RDX: variants seen among roughly 807,000 people sequenced by gnomAD.
The protein encoded by RDX is deafness, autosomal recessive 24.
RDX carries 32 observed loss-of-function variants against 83.7 expected under a neutral mutation model. The ratio of observed to expected loss-of-function variants is 0.38; its 90% CI spans 0.29 to 0.51. The LOEUF (loss-of-function observed/expected upper bound fraction) is 0.51, where lower values mean the gene tolerates loss of function less well. RDX is among the 20% of genes least tolerant of loss of function. The pLI, the probability that RDX is intolerant of heterozygous loss-of-function variation, is 0.87. For missense variants in RDX, 600 were observed against 689.9 expected (o/e 0.87, Z 1.46); for synonymous variants, 229 against 222.7 (o/e 1.03, Z -0.25).
intron 9 of RDX, among the ~76,000 whole-genome samples, chr11:110,252,510 T>C (rs1356965618): frequency 6.6e-6 from 1 of 152,106 alleles, no homozygotes; most frequent in Non-Finnish European, 1.5e-5. Flanking sequence ...ATAAAATAAT[T>C]CCTCATTTAT....
At chr11:110,221,168 T>A (rs148874045) in intron 14 of RDX, among the ~76,000 whole-genome samples, 34 of 152,272 alleles carry the variant, frequency 2.2e-4, no homozygotes, top group African/African-American at 7.9e-4. Flanking sequence ...GGAAAAGGAA[T>A]GGGGAGAGGG....
chr11:110,199,491 G>A (rs1373163670), intron 15 of RDX: 12 of 681,950 alleles, frequency 1.8e-5, no homozygotes, highest in Non-Finnish European at 2.9e-5. Context: ...CAGATTTTAT[G>A]AGGTCCCACC....
chr11:110,254,460 G>GT lies in RDX; in HGVS notation c.796-352dup, dbSNP rs570132914. On this transcript the variant is annotated intron_variant, in intron 8 of 13. Transcript: ENST00000645495. Reference sequence around the variant, plus strand: ...TTGGTTCTTCGTTCATGGCTGTAGAGTTTTTTTTAACCTAGAATTGTTCTT... The same window carrying GT: ...TTGGTTCTTCGTTCATGGCTGTAGAGTTTTTTTTTAACCTAGAATTGTTCTT... 3.4e-4 allele frequency among the ~76,000 whole-genome samples: 51 copies of GT among 151,254 alleles called. 1 individual carries two copies. The South Asian group carries it at 7.1e-3, about 21-fold the overall frequency.
intron 15 of RDX, among the ~76,000 whole-genome samples, chr11:110,178,064 C>T (rs1446690940): frequency 6.6e-6 from 1 of 152,154 alleles, no homozygotes; most frequent in Non-Finnish European, 1.5e-5. Flanking sequence ...GGCCTCTAGA[C>T]CCCTGGCCCG....
Position 110,263,986 on chromosome 11 carries a change from C to A in RDX, c.441G>T (p.Leu147=). The A allele has an allele frequency of 6.2e-7, 1 of 1,613,778 alleles. No homozygotes were observed. Among genetic ancestry groups the A allele is most frequent in the South Asian group, 1.1e-5 (1 of 91,050 alleles). The change falls in exon 5 of 14, where the codon CTG becomes CTT. Residue 147 remains leucine (L), a synonymous_variant. Coordinates refer to ENST00000645495, the MANE Select transcript of RDX (RefSeq NM_002906.4). The part of the protein sequence containing the change: ...YNKEIHKPGY[L]ANDRLLPQRV... ...GCTGGGGTAGGAGTCTATCATTAGC[C>A]AGGTAGCCTGGCTTATGAATCTCTT...
intron 14 of RDX, among the ~76,000 whole-genome samples, chr11:110,206,492 T>G (rs967480721): frequency 1.3e-5 from 2 of 152,150 alleles, no homozygotes; most frequent in African/African-American, 4.8e-5. Context: ...GACATTATAT[T>G]GTTGTAGATA....
In RDX at chr11:110,176,389, A is replaced by C. The variant is rs952846211; in HGVS notation, c.*32-1155T>G. On this transcript the variant is annotated intron_variant, in intron 15 of 15. Coordinates refer to the RDX transcript ENST00000528498. ...TAGCACCAGCTTTTACAAACCCCAG[A>C]GCCCATCCAGGCAGTACCCCTCCTG... 2.6e-5 allele frequency among the ~76,000 whole-genome samples: 4 copies of C among 152,058 alleles called. No homozygotes were observed. The East Asian group carries it at 7.7e-4, about 29-fold the overall frequency.
chr11:110,290,463 A>C (rs1373177804), intron 1 of RDX, among the ~76,000 whole-genome samples: 1 of 151,992 alleles, frequency 6.6e-6, no homozygotes, highest in Non-Finnish European at 1.5e-5. Context: ...AGTGAGCTAT[A>C]ATCAAGCCAC....
intron 14 of RDX, among the ~76,000 whole-genome samples, chr11:110,212,151 A>G: frequency 6.7e-6 from 1 of 149,642 alleles, no homozygotes; most frequent in Non-Finnish European, 1.5e-5. Context: ...GATAAAGGGG[A>G]TATCACCACC....
intron 13 of RDX, among the ~76,000 whole-genome samples, chr11:110,232,363 C>G (rs935775033): frequency 3.9e-5 from 6 of 152,074 alleles, no homozygotes; most frequent in Admixed American, 6.5e-5. Context: ...TCAAGGGAAG[C>G]CTTCTCCAAA....
intron 3 of RDX, among the ~76,000 whole-genome samples, chr11:110,267,211 T>A (rs1045316982): frequency 1.3e-5 from 2 of 152,084 alleles, no homozygotes. Context: ...GCCTGTTTTT[T>A]AAAAAATAAT....
chr11:110,183,732 T>C (rs764835890), intron 15 of RDX, among the ~76,000 whole-genome samples: 18 of 152,348 alleles, frequency 1.2e-4, no homozygotes, highest in Non-Finnish European at 2.1e-4. Context: ...TCATTTCTCC[T>C]AGAGTCATCA....
intron 14 of RDX, among the ~76,000 whole-genome samples, chr11:110,216,463 C>T (rs933849120): frequency 3.3e-5 from 5 of 151,788 alleles, no homozygotes; most frequent in African/African-American, 1.2e-4. Context: ...GCCTCAACCT[C>T]CTGGGCTCAA....
chr11:110,258,326 A>G (rs1048891426), intron 5 of RDX, 137 bp from the exon 6 acceptor site: 87 of 632,356 alleles, frequency 1.4e-4, no homozygotes, highest in Non-Finnish European at 2.5e-5. Flanking sequence ...AATTGCATAG[A>G]ACTAAATTAC....
downstream of RDX, among the ~76,000 whole-genome samples, chr11:110,225,988 C>T (rs1864420503): frequency 6.6e-6 from 1 of 151,492 alleles, no homozygotes; most frequent in East Asian, 1.9e-4. Flanking sequence ...ATCGCTTGAA[C>T]CCAGGAGGCA....
At chr11:110,227,363 T>C (rs1474754478), downstream of RDX, among the ~76,000 whole-genome samples, 1 of 152,058 alleles carries the variant, frequency 6.6e-6, no homozygotes, top group Non-Finnish European at 1.5e-5. Flanking sequence ...ATTTAGTAAG[T>C]AAAAAACTAA....
intron 10 of RDX, among the ~76,000 whole-genome samples, chr11:110,238,516 G>GAAAATCTATATGTC (rs1441924725): frequency 1.3e-5 from 2 of 152,182 alleles, no homozygotes; most frequent in Non-Finnish European, 2.9e-5. Flanking sequence ...TGTATACTAA[G>GAAAATCTATATGTC]AAAATCTATA....
At chr11:110,260,839 G>A (rs988157331) in intron 5 of RDX, among the ~76,000 whole-genome samples, 2 of 152,090 alleles carry the variant, frequency 1.3e-5, no homozygotes, top group African/African-American at 2.4e-5. Flanking sequence ...TTACTACTAT[G>A]TAGTATAATA....
intron 14 of RDX, among the ~76,000 whole-genome samples, chr11:110,203,902 G>A (rs1044201755): frequency 6.6e-6 from 1 of 152,008 alleles, no homozygotes; most frequent in Non-Finnish European, 1.5e-5. Flanking sequence ...TAAAAATTAG[G>A]CTGGTGCCAT....
Sources: gnomAD v4.1 joint callset for allele counts (sites outside exome capture counted in the v4.1 genomes callset) on GRCh38, gnomAD v4.1.1 for gene constraint, MANE v1.5 for transcripts, NCBI Gene and HGNC (gene_info 2026-07-23, HGNC 2026-07-21) for gene names.